Variants in NKAIN2 observed in about 807,000 individuals in gnomAD.
NKAIN2 encodes the protein sodium/potassium-transporting ATPase subunit beta-1-interacting protein 2.
In NKAIN2, 14 loss-of-function variants were observed where a neutral mutation model predicts 32.6. The observed-to-expected ratio is 0.43, with a 90% CI of 0.28 to 0.67. The LOEUF (loss-of-function observed/expected upper bound fraction) is 0.67. NKAIN2 is among the 30% of genes least tolerant of loss of function. The pLI, the probability that NKAIN2 is intolerant of heterozygous loss-of-function variation, is 0.17. For missense variants in NKAIN2, 198 were observed against 258.3 expected (o/e 0.77, Z 1.60); for synonymous variants, 80 against 87.2 (o/e 0.92, Z 0.46).
At chr6:124,807,165 C>A (rs1582558176) in intron 5 of NKAIN2, among the ~76,000 whole-genome samples, 1 of 152,056 alleles carries the variant, frequency 6.6e-6, no homozygotes, top group African/African-American at 2.4e-5. Flanking sequence ...GAACTCTCCA[C>A]CCCAAATCAA....
At chr6:124,413,261 T>A (rs796431434) in intron 3 of NKAIN2, among the ~76,000 whole-genome samples, 8 of 152,270 alleles carry the variant, frequency 5.3e-5, no homozygotes, top group African/African-American at 1.9e-4. Context: ...GTCTTCTGCG[T>A]CGCTCTTTTT....
At chr6:124,683,246 A>C (rs576451364) in intron 4 of NKAIN2, among the ~76,000 whole-genome samples, 4 of 152,234 alleles carry the variant, frequency 2.6e-5, no homozygotes, top group Non-Finnish European at 5.9e-5. Flanking sequence ...TCAACCCTTT[A>C]AATGTAACCA....
intron 3 of NKAIN2, among the ~76,000 whole-genome samples, chr6:124,466,458 T>C (rs542519094): frequency 2.0e-5 from 3 of 152,228 alleles, no homozygotes; most frequent in Admixed American, 2.0e-4. Flanking sequence ...TTCAGCTTAA[T>C]TGGGACAGGT....
intron 1 of NKAIN2, among the ~76,000 whole-genome samples, chr6:124,241,725 A>G (rs577514743): frequency 5.3e-5 from 8 of 152,258 alleles, no homozygotes; most frequent in Middle Eastern, 3.4e-3. Context: ...GTTTCCTATA[A>G]TTGAGAAAAG....
intron 3 of NKAIN2, among the ~76,000 whole-genome samples, chr6:124,457,305 G>C (rs751625896): frequency 1.3e-5 from 2 of 151,912 alleles, no homozygotes; most frequent in Non-Finnish European, 2.9e-5. Context: ...ATTCTATAGG[G>C]CATTTGTTTA....
At chr6:124,370,366 CT>C (rs1313550981) in intron 3 of NKAIN2, among the ~76,000 whole-genome samples, 1 of 151,890 alleles carries the variant, frequency 6.6e-6, no homozygotes, top group Non-Finnish European at 1.5e-5. Context: ...TGTATACAGC[CT>C]GATGCAATCA....
At chr6:124,524,351 A>G (rs898126464) in intron 3 of NKAIN2, among the ~76,000 whole-genome samples, 1 of 150,548 alleles carries the variant, frequency 6.6e-6, no homozygotes, top group African/African-American at 2.4e-5. Flanking sequence ...GTTGCTAACT[A>G]TTACTAAATA....
intron 1 of NKAIN2, among the ~76,000 whole-genome samples, chr6:123,995,726 A>G (rs75682852): frequency 0.013 from 2,038 of 152,304 alleles, 16 homozygotes; most frequent in Non-Finnish European, 0.021. Context: ...AATTTCAGAA[A>G]GATTTTGTTT....
At chr6:124,538,562 C>T (rs1335948972) in intron 3 of NKAIN2, among the ~76,000 whole-genome samples, 1 of 152,016 alleles carries the variant, frequency 6.6e-6, no homozygotes, top group Non-Finnish European at 1.5e-5. Context: ...GCTTGAAAAG[C>T]ACTTTTCAAT....
chr6:124,013,258 G>C, intron 1 of NKAIN2, among the ~76,000 whole-genome samples: 1 of 152,058 alleles, frequency 6.6e-6, no homozygotes, highest in South Asian at 2.1e-4. Context: ...TATTATCTCT[G>C]TACTTTCTTT....
intron 1 of NKAIN2, among the ~76,000 whole-genome samples, chr6:123,915,125 C>G (rs571969656): frequency 3.3e-5 from 5 of 152,248 alleles, no homozygotes; most frequent in African/African-American, 1.2e-4. Context: ...GGAGGTGATA[C>G]AATTATGTTT....
At chr6:124,037,961 C>T (rs1465008800) in intron 1 of NKAIN2, among the ~76,000 whole-genome samples, 1 of 152,074 alleles carries the variant, frequency 6.6e-6, no homozygotes, top group African/African-American at 2.4e-5. Context: ...TAGAAGTTAG[C>T]GACAGCAAGA....
intron 2 of NKAIN2, among the ~76,000 whole-genome samples, chr6:124,323,267 A>G (rs980776822): frequency 2.6e-5 from 4 of 152,200 alleles, no homozygotes; most frequent in Non-Finnish European, 5.9e-5. Context: ...AATAAAAGTA[A>G]TCGATTTTGA....
chr6:124,562,316 A>G (rs1780725960), intron 3 of NKAIN2, among the ~76,000 whole-genome samples: 1 of 152,242 alleles, frequency 6.6e-6, no homozygotes, highest in South Asian at 2.1e-4. Context: ...CAAATTCACC[A>G]GTATATTCAG....
At chr6:124,549,166 G>A (rs1231650430) in intron 3 of NKAIN2, among the ~76,000 whole-genome samples, 1 of 151,904 alleles carries the variant, frequency 6.6e-6, no homozygotes, top group Non-Finnish European at 1.5e-5. Context: ...GGAGTTCAAG[G>A]CCAGCCTGAC....
At chr6:124,613,267 T>C (rs908250312) in intron 3 of NKAIN2, among the ~76,000 whole-genome samples, 1 of 152,268 alleles carries the variant, frequency 6.6e-6, no homozygotes, top group East Asian at 1.9e-4. Flanking sequence ...CTGATGCTAT[T>C]AGACAGTCCA....
intron 1 of NKAIN2, among the ~76,000 whole-genome samples, chr6:123,994,410 C>T (rs1291295294): frequency 6.6e-6 from 1 of 152,030 alleles, no homozygotes; most frequent in Non-Finnish European, 1.5e-5. Context: ...CATTTCTGTG[C>T]CCTTTCCAGC....
chr6:124,234,594 T>A (rs141946782), intron 1 of NKAIN2, among the ~76,000 whole-genome samples: 1 of 152,164 alleles, frequency 6.6e-6, no homozygotes, highest in South Asian at 2.1e-4. Context: ...CTATATAGGA[T>A]TTAATGCTTG....
At chr6:124,385,667 A>G (rs1360679505) in intron 3 of NKAIN2, among the ~76,000 whole-genome samples, 1 of 152,144 alleles carries the variant, frequency 6.6e-6, no homozygotes, top group Non-Finnish European at 1.5e-5. Flanking sequence ...TGTTTGGACA[A>G]TAAATTATGT....
Sources: allele counts gnomAD v4.1 joint callset (sites outside exome capture counted in the v4.1 genomes callset), GRCh38; gene constraint gnomAD v4.1.1; transcripts MANE v1.5; gene names NCBI Gene and HGNC (gene_info 2026-07-23, HGNC 2026-07-21).